The following KIF26B variants were observed in gnomAD, a reference collection of about 807,000 sequenced individuals.
The protein encoded by KIF26B is kinesin family member 26B, also known as kinesin-like protein KIF26B.
In KIF26B, 63 loss-of-function variants were observed where a neutral mutation model predicts 151.2. The ratio of observed to expected loss-of-function variants is 0.42; its 90% CI spans 0.34 to 0.51. The LOEUF (loss-of-function observed/expected upper bound fraction) is 0.51. KIF26B is among the 20% of genes least tolerant of loss of function. The pLI, the probability that KIF26B is intolerant of heterozygous loss-of-function variation, is 0.07. For missense variants in KIF26B, 2,813 were observed against 2,913.6 expected (o/e 0.97, Z 0.79); for synonymous variants, 1,357 against 1,262.1 (o/e 1.08, Z -1.59).
intron 5 of KIF26B, among the ~76,000 whole-genome samples, chr1:245,578,272 A>T (rs2043144647): frequency 6.6e-6 from 1 of 152,244 alleles, no homozygotes; most frequent in Admixed American, 6.5e-5. Flanking sequence ...AGAACCTGGG[A>T]CTAGCCCCTT....
At chr1:245,637,227 C>G (rs1271330124) in intron 9 of KIF26B, among the ~76,000 whole-genome samples, 1 of 151,956 alleles carries the variant, frequency 6.6e-6, no homozygotes, top group Non-Finnish European at 1.5e-5. Flanking sequence ...GAGATGATAG[C>G]TCGTTATGGT....
At chr1:245,287,251 T>A (rs11582975) in intron 2 of KIF26B, among the ~76,000 whole-genome samples, 6,443 of 152,030 alleles carry the variant, frequency 0.042, 172 homozygotes, top group African/African-American at 0.066. Flanking sequence ...CATTTCATTT[T>A]TATTAAACTT....
intron 5 of KIF26B, among the ~76,000 whole-genome samples, chr1:245,543,883 G>A (rs1661679430): frequency 6.6e-6 from 1 of 152,170 alleles, no homozygotes; most frequent in Non-Finnish European, 1.5e-5. Context: ...GGGAGGCAGA[G>A]GTTGCAGTGA....
At chr1:245,224,490 T>A (rs1193137809) in intron 2 of KIF26B, among the ~76,000 whole-genome samples, 1 of 152,236 alleles carries the variant, frequency 6.6e-6, no homozygotes, top group Non-Finnish European at 1.5e-5. Flanking sequence ...TTTGCGTATG[T>A]GGCAGTGAAG....
intron 2 of KIF26B, among the ~76,000 whole-genome samples, chr1:245,329,665 C>G (rs775050648): frequency 1.8e-4 from 28 of 152,204 alleles, no homozygotes; most frequent in Admixed American, 3.3e-4. Context: ...GCCCCTGCCC[C>G]TTTCCAGGCT....
intron 2 of KIF26B, among the ~76,000 whole-genome samples, chr1:245,184,426 G>A (rs986185808): frequency 3.3e-5 from 5 of 152,078 alleles, no homozygotes; most frequent in Non-Finnish European, 5.9e-5. Flanking sequence ...TGGCCTTGGC[G>A]TTTGTGTGTA....
chr1:245,409,730 C>T (rs1160656715), intron 3 of KIF26B, among the ~76,000 whole-genome samples: 5 of 152,098 alleles, frequency 3.3e-5, no homozygotes, highest in Non-Finnish European at 7.4e-5. Context: ...GCTGGGGGTG[C>T]TGGACAGCAC....
intron 4 of KIF26B, among the ~76,000 whole-genome samples, chr1:245,447,870 A>T (rs1432439313): frequency 6.6e-6 from 1 of 152,242 alleles, no homozygotes; most frequent in Non-Finnish European, 1.5e-5. Context: ...TGCCACTCTC[A>T]GCACACTGCC....
intron 9 of KIF26B, among the ~76,000 whole-genome samples, chr1:245,621,258 C>T (rs567178110): frequency 7.9e-5 from 12 of 152,236 alleles, no homozygotes; most frequent in Non-Finnish European, 1.6e-4. Context: ...TGGTTAGCTT[C>T]GGATTTTCAT....
chr1:245,168,335 G>A (rs991602833), intron 2 of KIF26B, among the ~76,000 whole-genome samples: 1 of 152,210 alleles, frequency 6.6e-6, no homozygotes, highest in South Asian at 2.1e-4. Flanking sequence ...GGCCGGTAGC[G>A]CCGTCGTTGC....
chr1:245,538,218 A>C (rs1480893206), intron 4 of KIF26B, among the ~76,000 whole-genome samples: 1 of 152,202 alleles, frequency 6.6e-6, no homozygotes, highest in African/African-American at 2.4e-5. Flanking sequence ...CACATGCCTG[A>C]ATGGAATGAG....
intron 5 of KIF26B, among the ~76,000 whole-genome samples, chr1:245,568,351 A>C (rs1229336631): frequency 1.3e-5 from 2 of 152,022 alleles, no homozygotes; most frequent in Non-Finnish European, 2.9e-5. Flanking sequence ...CTCCACAAAA[A>C]ATGTTTTTTA....
intron 2 of KIF26B, among the ~76,000 whole-genome samples, chr1:245,246,894 G>C (rs12044542): frequency 2.2e-3 from 112 of 51,694 alleles, no homozygotes; most frequent in Non-Finnish European, 3.1e-3. Context: ...CACACACACA[G>C]ACACACACAC....
chr1:245,343,731 T>C (rs1260680439), intron 2 of KIF26B, among the ~76,000 whole-genome samples: 2 of 152,204 alleles, frequency 1.3e-5, no homozygotes, highest in Non-Finnish European at 2.9e-5. Flanking sequence ...ATAGATATAT[T>C]TGGGCGTGAG....
At chr1:245,589,319 G>A (rs1002351531) in intron 5 of KIF26B, among the ~76,000 whole-genome samples, 8 of 152,112 alleles carry the variant, frequency 5.3e-5, no homozygotes, top group Non-Finnish European at 1.2e-4. Context: ...GGAGAAGGAC[G>A]CCTTCTTTTC....
chr1:245,165,638 G>A (rs370468552), intron 2 of KIF26B, among the ~76,000 whole-genome samples: 6 of 152,140 alleles, frequency 3.9e-5, no homozygotes, highest in East Asian at 1.9e-4. Context: ...CATTGACATC[G>A]AAGGGACCAG....
At chr1:245,232,738 C>T (rs1485485289) in intron 2 of KIF26B, among the ~76,000 whole-genome samples, 1 of 151,984 alleles carries the variant, frequency 6.6e-6, no homozygotes, top group Non-Finnish European at 1.5e-5. Flanking sequence ...TTAGTAGAGA[C>T]GGGGTTTCTC....
rs567541140 is a variant in KIF26B at position 245,250,673 on chromosome 1, T to C, written c.465+93990T>C. ...AGGATAAAACGATGTTTTCTTGTTTTGAGATGGAACATCTTTTCATAGTTT... is the reference window on the plus strand; with the variant it reads ...AGGATAAAACGATGTTTTCTTGTTTCGAGATGGAACATCTTTTCATAGTTT... On this transcript the variant is annotated intron_variant, in intron 2 of 14. Coordinates refer to ENST00000407071, the MANE Select transcript of KIF26B (RefSeq NM_018012.4). Among the ~76,000 whole-genome samples, 14 of 152,358 alleles carry C rather than the reference T, an allele frequency of 9.2e-5. No homozygotes were observed. In the East Asian group the frequency reaches 2.5e-3, roughly 27 times the overall value.
rs2044867874 is a variant in KIF26B, at chr1:245,708,391, A to G, written c.*5785A>G. ...TATAGCAAAACAGGGACTTGAGTCC[A>G]GCTTATTGGATTCTTCCCATCAGAT... is the stretch of plus-strand genomic sequence containing the variant. On this transcript the variant is annotated 3_prime_UTR_variant, in exon 15 of 15. Transcript: ENST00000407071. 1 of 152,264 alleles carries G rather than the reference A, an allele frequency of 6.6e-6. No individual in the cohort carries two copies. The highest frequency in any genetic ancestry group is 1.5e-5 in the Non-Finnish European group (1 of 68,058). The allele number at this position is 152,264 out of a possible 1,614,324, so 9.4% of individuals were successfully genotyped here. A position where few individuals can be genotyped will look rare whatever the true frequency, so the allele number is the denominator to read the frequency against.
Sources: gnomAD v4.1 joint callset for allele counts (sites outside exome capture counted in the v4.1 genomes callset) on GRCh38, gnomAD v4.1.1 for gene constraint, MANE v1.5 for transcripts, NCBI Gene and HGNC (gene_info 2026-07-23, HGNC 2026-07-21) for gene names.